The following RAD51B variants were observed in gnomAD, a reference collection of about 807,000 sequenced individuals.
The protein encoded by RAD51B is DNA repair protein RAD51 homolog 2.
Under a neutral mutation model 42.2 loss-of-function variants are expected in RAD51B, and 38 were observed. The observed-to-expected ratio is 0.90, with a 90% confidence interval of 0.70 to 1.18. The LOEUF (loss-of-function observed/expected upper bound fraction) is 1.18. RAD51B is among the 50% of genes most tolerant of loss of function. The probability of loss-of-function intolerance (pLI) is 0.00; values close to 1 mark genes in which losing one functional copy is unlikely to be tolerated. For synonymous variants in RAD51B, 154 were observed against 145.2 expected, an observed-to-expected ratio of 1.06 and a Z score of -0.43; for missense variants, 373 against 400.7, an observed-to-expected ratio of 0.93 and a Z score of 0.59.
At chr14:67,963,095 CT>C (rs2074702776) in intron 7 of RAD51B, among the ~76,000 whole-genome samples, 1 of 152,002 alleles carries the variant, frequency 6.6e-6, no homozygotes, top group Non-Finnish European at 1.5e-5. Flanking sequence ...TTCATTTCGG[CT>C]TCTGTTAATT....
chr14:68,148,537 A>G (rs1262285570), intron 7 of RAD51B, among the ~76,000 whole-genome samples: 1 of 152,224 alleles, frequency 6.6e-6, no homozygotes, highest in Non-Finnish European at 1.5e-5. Flanking sequence ...CCAACTTACA[A>G]TGGTTTGACT....
chr14:68,600,635 C>T (rs1438284646), downstream of RAD51B, among the ~76,000 whole-genome samples: 1 of 152,216 alleles, frequency 6.6e-6, no homozygotes, highest in Non-Finnish European at 1.5e-5. Context: ...CATTTCCTTC[C>T]TTTCATGGCC....
chr14:68,588,714 C>T (rs778746168), intron 10 of RAD51B, among the ~76,000 whole-genome samples: 18 of 152,142 alleles, frequency 1.2e-4, no homozygotes, highest in Non-Finnish European at 1.9e-4. Flanking sequence ...TTTCTTTCAC[C>T]GTCTGTGAGT....
At chr14:68,326,753 T>A (rs1566810540) in intron 8 of RAD51B, among the ~76,000 whole-genome samples, 1 of 152,240 alleles carries the variant, frequency 6.6e-6, no homozygotes, top group East Asian at 1.9e-4. Context: ...ACATATTGTG[T>A]CAGCCAGGAT....
chr14:68,243,797 A>G (rs185861598), intron 7 of RAD51B, among the ~76,000 whole-genome samples: 52 of 152,306 alleles, frequency 3.4e-4, no homozygotes, highest in African/African-American at 1.2e-3. Flanking sequence ...GTGTTGCCCT[A>G]CTGGAAACAA....
chr14:68,447,691 G>A (rs1200343815), intron 9 of RAD51B, among the ~76,000 whole-genome samples: 3 of 151,844 alleles, frequency 2.0e-5, no homozygotes, highest in South Asian at 2.1e-4. Flanking sequence ...AAGCAATTAC[G>A]AAATCATTTT....
chr14:68,412,481 C>A (rs954621853), intron 9 of RAD51B, among the ~76,000 whole-genome samples: 1 of 152,200 alleles, frequency 6.6e-6, no homozygotes, highest in Non-Finnish European at 1.5e-5. Flanking sequence ...TTGCCTTTAC[C>A]TGCATTAGGT....
At chr14:67,988,872 T>C (rs1379824158) in intron 7 of RAD51B, among the ~76,000 whole-genome samples, 1 of 152,258 alleles carries the variant, frequency 6.6e-6, no homozygotes, top group Admixed American at 6.5e-5. Context: ...GTTTGTAATG[T>C]ATAATAACTT....
chr14:68,151,044 G>A (rs1477471334), intron 7 of RAD51B, among the ~76,000 whole-genome samples: 1 of 151,944 alleles, frequency 6.6e-6, no homozygotes, highest in East Asian at 1.9e-4. Context: ...CTGATTTACT[G>A]AATGAGATTT....
At chr14:68,683,007 A>G in intron 11 of RAD51B, 1 of 974,836 alleles carries the variant, frequency 1.0e-6, no homozygotes, top group Non-Finnish European at 1.2e-6. Context: ...ACGCAGCAGC[A>G]TATCCTGTCA....
At chr14:67,994,930 C>G (rs2075356166) in intron 7 of RAD51B, among the ~76,000 whole-genome samples, 1 of 152,130 alleles carries the variant, frequency 6.6e-6, no homozygotes, top group African/African-American at 2.4e-5. Flanking sequence ...GAATATTCAG[C>G]TTTTAAAAGG....
At chr14:68,360,193 G>C (rs1239709916) in intron 8 of RAD51B, among the ~76,000 whole-genome samples, 2 of 152,114 alleles carry the variant, frequency 1.3e-5, no homozygotes, top group Non-Finnish European at 2.9e-5. Context: ...CTCTTCCCCA[G>C]ATGTACTCCT....
At chr14:68,058,151 G>A (rs899933978) in intron 7 of RAD51B, among the ~76,000 whole-genome samples, 1 of 151,762 alleles carries the variant, frequency 6.6e-6, no homozygotes, top group Non-Finnish European at 1.5e-5. Flanking sequence ...TATTTTATTA[G>A]CAAGGGCTTA....
intron 8 of RAD51B, among the ~76,000 whole-genome samples, chr14:68,379,081 A>C (rs933814413): frequency 2.0e-5 from 3 of 152,186 alleles, no homozygotes; most frequent in Non-Finnish European, 4.4e-5. Flanking sequence ...TCCGGGAAAT[A>C]ACAAGTGGAG....
At chr14:68,475,385 A>G (rs1882482754) in intron 10 of RAD51B, among the ~76,000 whole-genome samples, 1 of 152,224 alleles carries the variant, frequency 6.6e-6, no homozygotes, top group African/African-American at 2.4e-5. Flanking sequence ...CTTAAAATGC[A>G]GCATAAATAT....
chr14:68,401,477 A>C (rs1384390096), intron 8 of RAD51B, among the ~76,000 whole-genome samples: 1 of 152,140 alleles, frequency 6.6e-6, no homozygotes, highest in Non-Finnish European at 1.5e-5. Context: ...ATCCATCCCT[A>C]ACTCTTGCAT....
intron 7 of RAD51B, among the ~76,000 whole-genome samples, chr14:68,290,880 C>T (rs1248183189): frequency 2.6e-5 from 4 of 152,148 alleles, no homozygotes; most frequent in East Asian, 3.9e-4. Context: ...GATCTAAGCT[C>T]ACTGCAACCT....
At chr14:67,990,340 T>A (rs926253677) in intron 7 of RAD51B, among the ~76,000 whole-genome samples, 4 of 152,194 alleles carry the variant, frequency 2.6e-5, no homozygotes, top group Admixed American at 2.0e-4. Flanking sequence ...AATGGGATAG[T>A]CAGGCAAAAA....
intron 7 of RAD51B, among the ~76,000 whole-genome samples, chr14:68,127,116 A>G (rs1368584922): frequency 1.3e-5 from 2 of 152,134 alleles, no homozygotes; most frequent in East Asian, 3.9e-4. Context: ...CTTATCTCAT[A>G]TATGTGCCTC....
Sources: gnomAD v4.1 joint callset for allele counts (sites outside exome capture counted in the v4.1 genomes callset) on GRCh38, gnomAD v4.1.1 for gene constraint, MANE v1.5 for transcripts, NCBI Gene and HGNC (gene_info 2026-07-23, HGNC 2026-07-21) for gene names.